HTR1F: variants seen among roughly 807,000 people sequenced by gnomAD.
HTR1F encodes the protein 5-hydroxytryptamine receptor 1F.
HTR1F carries 17 observed loss-of-function variants against 24.0 expected under a neutral mutation model. The observed-to-expected ratio is 0.71, with a 90% CI of 0.48 to 1.06. The LOEUF (loss-of-function observed/expected upper bound fraction) is 1.06. Among genes scored for constraint, HTR1F ranks in the 50% least tolerant of loss-of-function variants. The probability of loss-of-function intolerance (pLI) is 0.00; values close to 1 mark genes in which losing one functional copy is unlikely to be tolerated. For synonymous variants in HTR1F, 186 were observed against 156.8 expected, an observed-to-expected ratio of 1.19 and a Z score of -1.39; for missense variants, 391 against 427.8, an observed-to-expected ratio of 0.91 and a Z score of 0.76.
chr3:87,793,982 A>AAAG lies in HTR1F; in HGVS notation c.-160+1141_-160+1142insAGA, dbSNP rs1553658564. Among the ~76,000 whole-genome samples, 25 of 149,218 alleles carry AAAG rather than the reference A, an allele frequency of 1.7e-4. 1 individual carries two copies. Among genetic ancestry groups the AAAG allele is most frequent in the African/African-American group, 4.6e-4 (19 of 40,982 alleles). On this transcript the variant is annotated intron_variant, in intron 1 of 2. Coordinates refer to ENST00000319595, the MANE Select transcript of HTR1F (RefSeq NM_001322209.2). The stretch of plus-strand genomic sequence containing the variant: ...GATATGCTATGCCAAAAAAAAAAAA[A>AAAG]AGAGAGAGAGAAAACAGGAAAACAG...
chr3:87,871,879 G>A (rs12497340), intron 2 of HTR1F, among the ~76,000 whole-genome samples: 18,124 of 151,976 alleles, frequency 0.12, 1,365 homozygotes, highest in African/African-American at 0.21. Context: ...TAAAGAAACA[G>A]AGAACTTGAA....
intron 2 of HTR1F, among the ~76,000 whole-genome samples, chr3:87,861,400 C>A (rs941884879): frequency 2.0e-5 from 3 of 152,064 alleles, no homozygotes; most frequent in Non-Finnish European, 4.4e-5. Context: ...GGATGAAGAG[C>A]TTTACCTCCT....
intron 2 of HTR1F, among the ~76,000 whole-genome samples, chr3:87,858,493 T>G (rs1322287634): frequency 1.3e-5 from 2 of 152,190 alleles, no homozygotes; most frequent in East Asian, 3.8e-4. Flanking sequence ...GTTTACTTTT[T>G]ATAGATTCAT....
At chr3:87,814,112 C>T (rs1455123211) in intron 1 of HTR1F, among the ~76,000 whole-genome samples, 2 of 151,902 alleles carry the variant, frequency 1.3e-5, no homozygotes, top group African/African-American at 2.4e-5. Flanking sequence ...GTGGTATGCA[C>T]TTTCACATTT....
intron 2 of HTR1F, among the ~76,000 whole-genome samples, chr3:87,875,752 A>C (rs890465724): frequency 6.6e-6 from 1 of 151,332 alleles, no homozygotes. Flanking sequence ...GTGAAACCCC[A>C]TCTCTACTAA....
intron 2 of HTR1F, among the ~76,000 whole-genome samples, chr3:87,941,888 C>A (rs560857212): frequency 2.0e-5 from 3 of 152,056 alleles, no homozygotes; most frequent in African/African-American, 4.8e-5. Flanking sequence ...TTTCTGTACT[C>A]CTAAAATTGG....
intron 2 of HTR1F, among the ~76,000 whole-genome samples, chr3:87,907,593 G>C (rs571925067): frequency 1.2e-4 from 18 of 152,034 alleles, no homozygotes; most frequent in African/African-American, 4.3e-4. Flanking sequence ...AGCCACCATA[G>C]TCCCCATTTA....
At chr3:87,942,606 G>C (rs1704597154) in intron 2 of HTR1F, among the ~76,000 whole-genome samples, 1 of 152,062 alleles carries the variant, frequency 6.6e-6, no homozygotes, top group Non-Finnish European at 1.5e-5. Flanking sequence ...TTTCTACTTG[G>C]ATAATCTTTT....
At chr3:87,844,804 G>C (rs1303974191) in intron 2 of HTR1F, among the ~76,000 whole-genome samples, 3 of 148,618 alleles carry the variant, frequency 2.0e-5, no homozygotes, top group Admixed American at 6.7e-5. Context: ...CCCATTGCTT[G>C]TTTTTCTCAG....
chr3:87,823,999 G>A (rs1704412470), intron 2 of HTR1F, among the ~76,000 whole-genome samples: 1 of 151,192 alleles, frequency 6.6e-6, no homozygotes, highest in Non-Finnish European at 1.5e-5. Flanking sequence ...GGAGTTTGCA[G>A]TGAGCCAAGA....
rs1267393203 is a variant in HTR1F, at chr3:87,986,007, CAT to C, written c.-42-4700_-42-4699del. Among the ~76,000 whole-genome samples, 6 of 152,198 alleles carry C rather than the reference CAT, an allele frequency of 3.9e-5. No homozygotes were observed. In the East Asian group the frequency reaches 1.2e-3, roughly 29 times the overall value. ...ATTATCAAGAAGGCTGTATATAACA[CAT>C]GAGACTGCAGGCTCTACTTACAGAC... On this transcript the variant is annotated intron_variant, in intron 2 of 2. Transcript: ENST00000319595.
At chr3:87,892,217 A>G (rs1269714853) in intron 2 of HTR1F, among the ~76,000 whole-genome samples, 3 of 152,230 alleles carry the variant, frequency 2.0e-5, no homozygotes, top group Admixed American at 1.3e-4. Context: ...TCAGGGAAAT[A>G]TTGTTATGAT....
At chr3:87,942,471 A>C (rs1576067961) in intron 2 of HTR1F, among the ~76,000 whole-genome samples, 2 of 151,910 alleles carry the variant, frequency 1.3e-5, no homozygotes, top group Non-Finnish European at 2.9e-5. Context: ...TGCCCCGGGC[A>C]CCCTCAGTCC....
intron 2 of HTR1F, among the ~76,000 whole-genome samples, chr3:87,907,823 A>C (rs1471023981): frequency 6.6e-6 from 1 of 152,050 alleles, no homozygotes; most frequent in South Asian, 2.1e-4. Flanking sequence ...CTCAAGATGA[A>C]AGCAATGGAA....
intron 2 of HTR1F, among the ~76,000 whole-genome samples, chr3:87,979,125 G>GAGGA (rs1559656559): frequency 2.8e-5 from 2 of 70,292 alleles, no homozygotes; most frequent in East Asian, 1.1e-3. Flanking sequence ...GGAAGGGAGG[G>GAGGA]AGGGAGGGAG....
Position 87,991,834 on chromosome 3 carries a change from T to G in HTR1F, c.1085T>G (p.Val362Gly). 6.4e-7 allele frequency: 1 copy of G among 1,573,978 alleles called. No individual in the cohort carries two copies. The highest frequency in any genetic ancestry group is 8.6e-7 in the Non-Finnish European group (1 of 1,161,662). Residue 362 changes from valine to glycine, a missense_variant, in exon 3 of 3, where the codon GTG becomes GGG. Physicochemically the swap from Val to Gly is moderately radical, Grantham distance 109 (BLOSUM62 -3). Coordinates refer to ENST00000319595, the MANE Select transcript of HTR1F (RefSeq NM_001322209.2). ...EDFKKAFQKL[V>G]RCRC is the part of the protein sequence containing the mutation. ...TTCAAGAAAGCATTCCAAAAGCTTG[T>G]GCGATGTCGATGTTAGTTTTAAAAA...
intron 2 of HTR1F, among the ~76,000 whole-genome samples, chr3:87,870,422 T>C (rs1575968419): frequency 6.6e-6 from 1 of 152,090 alleles, no homozygotes; most frequent in Non-Finnish European, 1.5e-5. Context: ...AGCTTAGAAG[T>C]TGCCATACCC....
chr3:87,817,943 CA>C, intron 1 of HTR1F, among the ~76,000 whole-genome samples: 1 of 152,216 alleles, frequency 6.6e-6, no homozygotes, highest in African/African-American at 2.4e-5. Context: ...ATGGAATTGA[CA>C]AGTACAAATT....
At chr3:87,905,817 A>G (rs1356079299) in intron 2 of HTR1F, among the ~76,000 whole-genome samples, 1 of 152,080 alleles carries the variant, frequency 6.6e-6, no homozygotes, top group Non-Finnish European at 1.5e-5. Flanking sequence ...AAAGCTTTGA[A>G]GTAGAATGTT....
Sources: allele counts gnomAD v4.1 joint callset (sites outside exome capture counted in the v4.1 genomes callset), GRCh38; gene constraint gnomAD v4.1.1; transcripts MANE v1.5; gene names NCBI Gene and HGNC (gene_info 2026-07-23, HGNC 2026-07-21).